SNAP91: variants seen among roughly 807,000 people sequenced by gnomAD.
SNAP91 encodes the protein synaptosome associated protein 91, also known as clathrin coat assembly protein AP180.
Under a neutral mutation model 100.3 loss-of-function variants are expected in SNAP91, and 27 were observed. The observed-to-expected ratio is 0.27, with a 90% CI of 0.20 to 0.37. The LOEUF (loss-of-function observed/expected upper bound fraction) is 0.37, where lower values mean the gene tolerates loss of function less well. Among genes scored for constraint, SNAP91 ranks in the 10% least tolerant of loss-of-function variants. The pLI is 1.00. For missense variants in SNAP91, 986 were observed against 1,123.7 expected, an observed-to-expected ratio of 0.88 and a Z score of 1.75; for synonymous variants, 404 against 398.6, an observed-to-expected ratio of 1.01 and a Z score of -0.16.
chr6:83,704,192 G>A (rs574039678), intron 2 of SNAP91, among the ~76,000 whole-genome samples: 13 of 152,254 alleles, frequency 8.5e-5, no homozygotes, highest in South Asian at 6.2e-4. Flanking sequence ...ATTGAGTCCT[G>A]GATGTTTTAT....
Position 83,707,915 on chromosome 6 carries a change from T to C in SNAP91, c.13A>G (p.Thr5Ala). 1 of 1,588,418 alleles carries C rather than the reference T, an allele frequency of 6.3e-7. No homozygotes were observed. Among genetic ancestry groups the C allele is most frequent in the Non-Finnish European group, 8.5e-7 (1 of 1,171,700 alleles). MSGQ[T>A]LTDRIAAAQY... Reference sequence around the variant, plus strand: ...GCGGCGGCGATCCGATCCGTGAGCGTTTGGCCCGACATCTTCTGTGGTCGC... The same window carrying C: ...GCGGCGGCGATCCGATCCGTGAGCGCTTGGCCCGACATCTTCTGTGGTCGC... The change falls in exon 2 of 30, where the codon ACG (threonine) becomes GCG (alanine). Residue 5 changes from threonine to alanine, a missense_variant. Physicochemically the swap from Thr to Ala is moderately conservative, Grantham distance 58. Around this residue, in one of 4 missense-constraint regions of SNAP91, gnomAD observed 330 missense variants for 447.5 expected, o/e 0.74. Transcript: ENST00000369694.
In SNAP91 at chr6:83,646,126, T is replaced by C. The variant is rs550805073; in HGVS notation, c.659-4924A>G. ...CTTTGTATATTTTGGACAACAGTCC[T>C]TTATCAGATGTGGTTTTTGCAAATA... On this transcript the variant is annotated intron_variant, in intron 7 of 29. Transcript: ENST00000369694. Among the ~76,000 whole-genome samples, 5 of 152,340 alleles carry C rather than the reference T, an allele frequency of 3.3e-5. No homozygotes were observed. The East Asian group carries it at 9.6e-4, about 29-fold the overall frequency.
chr6:83,619,474 G>A (rs2096627839), intron 9 of SNAP91, among the ~76,000 whole-genome samples: 1 of 152,100 alleles, frequency 6.6e-6, no homozygotes, highest in South Asian at 2.1e-4. Context: ...GTTGTAAAAG[G>A]AATTTAATAT....
intron 11 of SNAP91, among the ~76,000 whole-genome samples, chr6:83,614,526 C>T (rs1315222537): frequency 6.6e-6 from 1 of 152,036 alleles, no homozygotes; most frequent in Non-Finnish European, 1.5e-5. Flanking sequence ...TGTCTTTTCG[C>T]ATTTATGCTA....
chr6:83,584,080 T>C (rs1335362342), intron 22 of SNAP91, among the ~76,000 whole-genome samples: 2 of 152,164 alleles, frequency 1.3e-5, no homozygotes, highest in African/African-American at 2.4e-5. Flanking sequence ...AGTAATTATT[T>C]TTGTGAATGT....
intron 26 of SNAP91, among the ~76,000 whole-genome samples, chr6:83,572,421 A>G (rs1562152515): frequency 6.6e-6 from 1 of 150,550 alleles, no homozygotes; most frequent in African/African-American, 2.4e-5. Context: ...AAAGTTTTGC[A>G]TTTTTTTTTG....
At chr6:83,611,530 G>A (rs2096071885) in intron 11 of SNAP91, 2 of 434,628 alleles carry the variant, frequency 4.6e-6, no homozygotes, top group Non-Finnish European at 9.2e-6. Flanking sequence ...CCGCCTTACT[G>A]CATGGCAGGG....
rs1582808815 is a variant in SNAP91 at position 83,592,334 on chromosome 6, A to T, written c.1930+121T>A. The stretch of plus-strand genomic sequence containing the variant: ...AATGATCTTAAAAACTTAAGTTTAC[A>T]TTTAAGAGACAGAATTTTATATAGC... On this transcript the variant is annotated intron_variant, in intron 21 of 29. Coordinates refer to ENST00000369694, the MANE Select transcript of SNAP91 (RefSeq NM_001242792.2). 1.8e-5 allele frequency: 11 copies of T among 616,324 alleles called. No homozygotes were observed. In the East Asian group the frequency reaches 3.2e-4, roughly 18 times the overall value. 38.2% of individuals were successfully genotyped at this position (616,324 alleles called of 1,614,324 possible).
chr6:83,626,176 C>G (rs189945769), intron 8 of SNAP91, among the ~76,000 whole-genome samples: 1 of 151,982 alleles, frequency 6.6e-6, no homozygotes, highest in African/African-American at 2.4e-5. Context: ...TGTAGGTACG[C>G]TGCTTTATTT....
At chr6:83,697,324 G>A (rs1181115558) in intron 2 of SNAP91, among the ~76,000 whole-genome samples, 7 of 138,064 alleles carry the variant, frequency 5.1e-5, no homozygotes, top group Admixed American at 3.0e-4. Context: ...GAAAATAGCT[G>A]CACACACACA....
chr6:83,655,677 G>A (rs2098384612), intron 7 of SNAP91, among the ~76,000 whole-genome samples: 1 of 152,168 alleles, frequency 6.6e-6, no homozygotes, highest in Non-Finnish European at 1.5e-5. Context: ...GTTATCTAAT[G>A]TACCAAATAA....
chr6:83,610,330 T>C (rs1432890787), intron 12 of SNAP91, among the ~76,000 whole-genome samples: 1 of 151,808 alleles, frequency 6.6e-6, no homozygotes, highest in Non-Finnish European at 1.5e-5. Context: ...CTTGAAGATA[T>C]GCTAAGTGAA....
At chr6:83,568,800 C>G (rs1000777649) in intron 26 of SNAP91, among the ~76,000 whole-genome samples, 5 of 152,156 alleles carry the variant, frequency 3.3e-5, no homozygotes, top group Non-Finnish European at 7.4e-5. Flanking sequence ...AAATCTGCAT[C>G]CTTCATCTCC....
intron 26 of SNAP91, among the ~76,000 whole-genome samples, chr6:83,569,672 C>T (rs879517729): frequency 6.6e-6 from 1 of 152,104 alleles, no homozygotes; most frequent in Non-Finnish European, 1.5e-5. Context: ...TCTTGAATTC[C>T]CATGTGTTGT....
intron 8 of SNAP91, among the ~76,000 whole-genome samples, chr6:83,627,691 T>C (rs910227859): frequency 1.2e-4 from 19 of 152,124 alleles, no homozygotes; most frequent in African/African-American, 4.6e-4. Flanking sequence ...GGATCAATTG[T>C]AATGTCACCT....
chr6:83,593,981 G>C (rs567057481), intron 17 of SNAP91, among the ~76,000 whole-genome samples: 1 of 152,270 alleles, frequency 6.6e-6, no homozygotes, highest in South Asian at 2.1e-4. Context: ...GCAAAGTGCC[G>C]TAAGATTAAC....
upstream of SNAP91, chr6:83,709,209 A>C (rs987410747): frequency 3.3e-5 from 5 of 152,082 alleles, no homozygotes; most frequent in African/African-American, 1.2e-4. Flanking sequence ...GCCCCCTCCC[A>C]GCTACTCACA....
intron 8 of SNAP91, among the ~76,000 whole-genome samples, chr6:83,627,647 C>T (rs555146172): frequency 5.9e-5 from 9 of 151,980 alleles, no homozygotes; most frequent in South Asian, 2.1e-4. Flanking sequence ...TAGAGGTTTT[C>T]GTAGTAGTCT....
intron 10 of SNAP91, among the ~76,000 whole-genome samples, chr6:83,616,700 G>A (rs1373353952): frequency 6.6e-6 from 1 of 152,010 alleles, no homozygotes; most frequent in Admixed American, 6.6e-5. Flanking sequence ...CATATATTGT[G>A]AATTCCTTCT....
Sources: allele counts gnomAD v4.1 joint callset (sites outside exome capture counted in the v4.1 genomes callset), GRCh38; gene constraint gnomAD v4.1.1; regional missense constraint gnomAD v4.1.1; transcripts MANE v1.5; gene names NCBI Gene and HGNC (gene_info 2026-07-23, HGNC 2026-07-21).